The following SNX27 variants were observed in gnomAD, a reference collection of about 807,000 sequenced individuals.
SNX27 encodes the protein sorting nexin 27, also known as sorting nexin-27.
In SNX27, 22 loss-of-function variants were observed where a neutral mutation model predicts 71.6. That is an observed-to-expected ratio of 0.31 (90% confidence interval 0.22 to 0.44). SNX27 has a LOEUF of 0.44. Among genes scored for constraint, SNX27 ranks in the 20% least tolerant of loss-of-function variants. SNX27 has a pLI of 1.00. For synonymous variants in SNX27, 269 were observed against 277.2 expected, an observed-to-expected ratio of 0.97 and a Z score of 0.29; for missense variants, 531 against 698.6, an observed-to-expected ratio of 0.76 and a Z score of 2.70.
chr1:151,642,509 A>C (rs1668824803), intron 2 of SNX27, among the ~76,000 whole-genome samples: 1 of 152,202 alleles, frequency 6.6e-6, no homozygotes, highest in South Asian at 2.1e-4. Context: ...ATCAGTTTTT[A>C]AATTTATGGA....
intron 1 of SNX27, among the ~76,000 whole-genome samples, chr1:151,632,972 C>T (rs377438606): frequency 6.6e-6 from 1 of 151,856 alleles, no homozygotes; most frequent in South Asian, 2.1e-4. Context: ...CCCGGGTTCA[C>T]GCCATTCTCC....
At chr1:151,623,127 C>T (rs1267021872) in intron 1 of SNX27, among the ~76,000 whole-genome samples, 2 of 150,616 alleles carry the variant, frequency 1.3e-5, no homozygotes, top group East Asian at 3.9e-4. Flanking sequence ...CACATGCCAC[C>T]ATACCTGCCT....
intron 7 of SNX27, among the ~76,000 whole-genome samples, chr1:151,675,384 T>C (rs1311001638): frequency 6.6e-6 from 1 of 152,164 alleles, no homozygotes; most frequent in Non-Finnish European, 1.5e-5. Flanking sequence ...TGGCTTTAGG[T>C]CTTTATATGG....
At chr1:151,640,664 T>C (rs1668682432) in intron 2 of SNX27, among the ~76,000 whole-genome samples, 1 of 152,172 alleles carries the variant, frequency 6.6e-6, no homozygotes, top group Non-Finnish European at 1.5e-5. Flanking sequence ...TATGAGACAC[T>C]GCGCCCAGCC....
intron 3 of SNX27, chr1:151,660,231 G>A (rs989951994): frequency 7.4e-5 from 11 of 149,484 alleles, no homozygotes; most frequent in African/African-American, 2.2e-4. Flanking sequence ...ATCCCATCAC[G>A]TCCCCCCAGT....
At chr1:151,644,154 T>G (rs1018581797) in intron 2 of SNX27, among the ~76,000 whole-genome samples, 5 of 152,370 alleles carry the variant, frequency 3.3e-5, no homozygotes, top group East Asian at 1.9e-4. Context: ...TCCAGTCTGC[T>G]CTACTTTTAG....
Position 151,658,395 on chromosome 1 carries a change from G to A in SNX27, c.704G>A (p.Arg235Gln). 6.2e-7 allele frequency: 1 copy of A among 1,614,014 alleles called. No homozygotes were observed. Among genetic ancestry groups the A allele is most frequent in the Non-Finnish European group, 8.5e-7 (1 of 1,179,974 alleles). Residue 235 changes from arginine to glutamine, a missense_variant, in exon 3 of 12, where the codon CGA (arginine) becomes CAA (glutamine). Transcript: ENST00000458013. ...TTATCAGAACAACAATTAGATGCCC[G>A]ACGTCGGGGATTGGAAGAATATCTA... ...FSLSEQQLDA[R>Q]RRGLEEYLEK... is the part of the protein sequence containing the mutation.
intron 4 of SNX27, chr1:151,661,416 T>C: frequency 6.6e-6 from 1 of 152,654 alleles, no homozygotes; most frequent in Non-Finnish European, 1.5e-5. Flanking sequence ...ATTATAAATT[T>C]CTTACAGGCA....
At chr1:151,641,979 GATATAGATATATATGAGATATATATAT>G (rs1668793433) in intron 2 of SNX27, among the ~76,000 whole-genome samples, 1 of 112,580 alleles carries the variant, frequency 8.9e-6, no homozygotes, top group African/African-American at 3.3e-5. Context: ...ATATATATCA[GATATAGATATATATGAGATATATATAT>G]CAGATATAGA....
intron 7 of SNX27, among the ~76,000 whole-genome samples, chr1:151,671,268 C>G (rs188037192): frequency 6.7e-6 from 1 of 149,072 alleles, no homozygotes; most frequent in Non-Finnish European, 1.5e-5. Flanking sequence ...GACAGGGTCT[C>G]GCTTTGTCAC....
chr1:151,660,857 G>C lies in SNX27; in HGVS notation c.796G>C (p.Asp266His). 1 of 1,608,432 alleles carries C rather than the reference G, an allele frequency of 6.2e-7. No homozygotes were observed. The highest frequency in any genetic ancestry group is 8.5e-7 in the Non-Finnish European group (1 of 1,174,962). The change falls in exon 4 of 12, where the codon GAT becomes CAT. Residue 266 changes from aspartate to histidine, a missense_variant. Asp to His is a moderately conservative substitution (Grantham distance 81). This residue lies in a region of SNX27 where 184 missense variants were observed against 289.6 expected (regional missense o/e 0.64). Transcript: ENST00000458013. ...DIMQEFLSES[D>H]ENYNGVSDVE... ...CATGCAGGAATTCCTATCAGAATCCGATGAGGTAGGTGAATATCTCTTTTA... is the reference window on the plus strand; with the variant it reads ...CATGCAGGAATTCCTATCAGAATCCCATGAGGTAGGTGAATATCTCTTTTA...
chr1:151,673,322 T>C (rs1215802081), intron 7 of SNX27, among the ~76,000 whole-genome samples: 1 of 152,132 alleles, frequency 6.6e-6, no homozygotes, highest in Admixed American at 6.5e-5. Flanking sequence ...TATAGTCAGA[T>C]ACTTGATATT....
intron 1 of SNX27, among the ~76,000 whole-genome samples, chr1:151,621,524 A>G (rs569794189): frequency 6.6e-6 from 1 of 152,242 alleles, no homozygotes; most frequent in African/African-American, 2.4e-5. Context: ...TGTTTTCTAC[A>G]GGCCTGATAC....
chr1:151,665,174 G>T (rs1670138227), intron 5 of SNX27, among the ~76,000 whole-genome samples: 1 of 152,110 alleles, frequency 6.6e-6, no homozygotes, highest in African/African-American at 2.4e-5. Flanking sequence ...AAGAAATTTT[G>T]TTACTACCAG....
chr1:151,694,080 T>C (rs1671589141), intron 11 of SNX27: 1 of 1,242,038 alleles, frequency 8.1e-7, no homozygotes, highest in Non-Finnish European at 1.0e-6. Flanking sequence ...GGGAATTTTA[T>C]CTGGGTTTTC....
At chr1:151,629,508 C>CAT (rs1381661731) in intron 1 of SNX27, 1 of 147,782 alleles carries the variant, frequency 6.8e-6, no homozygotes, top group Admixed American at 6.8e-5. Context: ...TATATATATA[C>CAT]ATATATACAC....
At chr1:151,652,248 C>T (rs866997676) in intron 2 of SNX27, among the ~76,000 whole-genome samples, 2 of 68,918 alleles carry the variant, frequency 2.9e-5, no homozygotes, top group Non-Finnish European at 6.4e-5. Flanking sequence ...GAGAGGGAGA[C>T]GGAGAGGGAG....
At chr1:151,659,205 A>G (rs1054741072) in intron 3 of SNX27, among the ~76,000 whole-genome samples, 2 of 152,100 alleles carry the variant, frequency 1.3e-5, no homozygotes, top group Non-Finnish European at 1.5e-5. Context: ...TAAGCAGGCT[A>G]AAGGTAGATA....
chr1:151,653,225 CTTT>C (rs1291290211), intron 2 of SNX27, among the ~76,000 whole-genome samples: 37 of 151,592 alleles, frequency 2.4e-4, no homozygotes, highest in South Asian at 4.2e-4. Flanking sequence ...CGCACCCAGC[CTTT>C]TTTTTTGTTG....
Sources: gnomAD v4.1 joint callset for allele counts (sites outside exome capture counted in the v4.1 genomes callset) on GRCh38, gnomAD v4.1.1 for gene constraint, gnomAD v4.1.1 regional missense constraint, MANE v1.5 for transcripts, NCBI Gene and HGNC (gene_info 2026-07-23, HGNC 2026-07-21) for gene names.